The following UGT2B7 variants were observed in gnomAD, a reference collection of about 807,000 sequenced individuals.
The protein encoded by UGT2B7 is UDP glucuronosyltransferase family 2 member B7.
Under a neutral mutation model 51.9 loss-of-function variants are expected in UGT2B7, and 51 were observed. The ratio of observed to expected loss-of-function variants is 0.98; its 90% CI spans 0.78 to 1.24. The LOEUF (loss-of-function observed/expected upper bound fraction) is 1.24, where lower values mean the gene tolerates loss of function less well. UGT2B7 is among the 50% of genes most tolerant of loss of function. The pLI is 0.00. For missense variants in UGT2B7, 727 were observed against 628.4 expected (o/e 1.16, Z -1.68); for synonymous variants, 225 against 211.6 (o/e 1.06, Z -0.55).
At chr4:69,100,961 GA>G (rs1378647677) in intron 2 of UGT2B7, among the ~76,000 whole-genome samples, 7 of 151,780 alleles carry the variant, frequency 4.6e-5, no homozygotes, top group East Asian at 1.9e-4. Context: ...ATCATACAGA[GA>G]AAAAAATTAA....
intron 1 of UGT2B7, among the ~76,000 whole-genome samples, chr4:69,084,366 T>C (rs1298450361): frequency 8.2e-6 from 1 of 122,552 alleles, no homozygotes; most frequent in Admixed American, 7.8e-5. Context: ...GGTTTTACTA[T>C]CAAGGTAATC....
Position 69,098,594 on chromosome 4 carries a change from G to T in UGT2B7, c.776G>T (p.Arg259Leu), listed in dbSNP as rs749983289. 4 of 1,611,504 alleles carry T rather than the reference G, an allele frequency of 2.5e-6. No individual in the cohort carries two copies. Among genetic ancestry groups the T allele is most frequent in the Non-Finnish European group, 3.4e-6 (4 of 1,178,848 alleles). ...GGGAAAGCTGACGTATGGCTTATTCGAAACTCCTGGAATTTTCAGTTTCCA... is the reference window on the plus strand; with the variant it reads ...GGGAAAGCTGACGTATGGCTTATTCTAAACTCCTGGAATTTTCAGTTTCCA... ...TMGKADVWLI[R>L]NSWNFQFPYP... is the part of the protein sequence containing the mutation. The change falls in exon 2 of 6, where the codon CGA becomes CTA. Residue 259 changes from arginine to leucine, a missense_variant. Arg to Leu is a moderately radical substitution (Grantham distance 102). Transcript: ENST00000305231.
chr4:69,108,631 A>G (rs1434623052), intron 5 of UGT2B7, among the ~76,000 whole-genome samples: 1 of 152,012 alleles, frequency 6.6e-6, no homozygotes, highest in African/African-American at 2.4e-5. Flanking sequence ...GGAAGAATAA[A>G]CCTGAAATAA....
At chr4:69,090,562 A>C (rs1261314808) in intron 2 of UGT2B7, among the ~76,000 whole-genome samples, 2 of 152,302 alleles carry the variant, frequency 1.3e-5, no homozygotes, top group Admixed American at 1.3e-4. Context: ...AACAAACAGC[A>C]AAGTCTAAAG....
rs766047432 is a variant in UGT2B7, at chr4:69,108,253, G to C, written c.1241G>C (p.Arg414Thr). 3 of 1,613,608 alleles carry C rather than the reference G, an allele frequency of 1.9e-6. No individual in the cohort carries two copies. The highest frequency in any genetic ancestry group is 1.3e-5 in the African/African-American group (1 of 74,886). The change falls in exon 5 of 6, where the codon AGA becomes ACA. Residue 414 changes from arginine (R) to threonine (T), a missense_variant. Coordinates refer to ENST00000305231, the MANE Select transcript of UGT2B7 (RefSeq NM_001074.4). ...ATGAAGGCCAGGGGAGCAGCTGTTAGAGTGGACTTCAACACAATGTCGAGT... is the reference window on the plus strand; with the variant it reads ...ATGAAGGCCAGGGGAGCAGCTGTTACAGTGGACTTCAACACAATGTCGAGT... ...AHMKARGAAV[R>T]VDFNTMSSTD... is the part of the protein sequence containing the mutation.
At chr4:69,094,375 C>T (rs1369852890), upstream of UGT2B7, among the ~76,000 whole-genome samples, 1 of 30,068 alleles carries the variant, frequency 3.3e-5, no homozygotes, top group Non-Finnish European at 5.1e-5. Context: ...GTCTCGATCT[C>T]CTGACCTCGT....
At chr4:69,081,298 A>G (rs1032697062) in intron 1 of UGT2B7, among the ~76,000 whole-genome samples, 3 of 152,104 alleles carry the variant, frequency 2.0e-5, no homozygotes, top group Admixed American at 2.0e-4. Context: ...CACATTTACT[A>G]TTATCAATGC....
chr4:69,074,377 A>T (rs569334740), intron 1 of UGT2B7, among the ~76,000 whole-genome samples: 17 of 150,978 alleles, frequency 1.1e-4, no homozygotes, highest in African/African-American at 4.2e-4. Context: ...AGCCCTGAAC[A>T]CACCACTGCA....
chr4:69,081,604 T>C (rs555328621), intron 1 of UGT2B7, among the ~76,000 whole-genome samples: 10 of 152,272 alleles, frequency 6.6e-5, no homozygotes, highest in African/African-American at 1.9e-4. Flanking sequence ...CAAAAATTCA[T>C]ACTTGTGGGA....
chr4:69,085,928 C>T (rs76554522), intron 1 of UGT2B7, among the ~76,000 whole-genome samples: 3,720 of 151,718 alleles, frequency 0.025, 114 homozygotes, highest in South Asian at 0.12. Context: ...GTTAACTTAG[C>T]TGAAGCTTTT....
At chr4:69,108,750 A>T (rs1719686582) in intron 5 of UGT2B7, among the ~76,000 whole-genome samples, 1 of 152,086 alleles carries the variant, frequency 6.6e-6, no homozygotes, top group Non-Finnish European at 1.5e-5. Flanking sequence ...CTTGAAAATG[A>T]GATTTAATTT....
chr4:69,108,039 G>A (rs2109893721), intron 4 of UGT2B7, 64 bp from the exon 5 acceptor site: 1 of 1,563,830 alleles, frequency 6.4e-7, no homozygotes, highest in Non-Finnish European at 8.8e-7. Flanking sequence ...CACTTTCAGA[G>A]CCTTTCATTG....
chr4:69,075,025 T>C (rs917602455), intron 1 of UGT2B7, among the ~76,000 whole-genome samples: 1 of 152,160 alleles, frequency 6.6e-6, no homozygotes, highest in African/African-American at 2.4e-5. Context: ...AATCTTTGAG[T>C]AAATATTTTA....
At chr4:69,054,322 GC>G (rs202002193) in intron 1 of UGT2B7, among the ~76,000 whole-genome samples, 1,731 of 152,180 alleles carry the variant, frequency 0.011, 38 homozygotes, top group African/African-American at 0.039. Context: ...CCAAAGGCTG[GC>G]CCCCATGTCC....
intron 1 of UGT2B7, among the ~76,000 whole-genome samples, chr4:69,078,784 T>C (rs1395715416): frequency 2.6e-5 from 4 of 152,094 alleles, no homozygotes. Flanking sequence ...ATGTGATCCA[T>C]CTGGCTATGG....
chr4:69,092,951 C>A (rs1452383797), upstream of UGT2B7, among the ~76,000 whole-genome samples: 1 of 119,374 alleles, frequency 8.4e-6, no homozygotes, highest in Non-Finnish European at 1.7e-5. Context: ...AAAAACAATA[C>A]CCCCACCCCA....
intron 1 of UGT2B7, among the ~76,000 whole-genome samples, chr4:69,089,164 T>A (rs1280283687): frequency 6.6e-6 from 1 of 152,186 alleles, no homozygotes; most frequent in Non-Finnish European, 1.5e-5. Flanking sequence ...AGGAATACTT[T>A]TATGAGTTTG....
intron 1 of UGT2B7, among the ~76,000 whole-genome samples, chr4:69,069,278 A>G (rs1337058533): frequency 6.6e-6 from 1 of 152,014 alleles, no homozygotes; most frequent in South Asian, 2.1e-4. Context: ...TTTGTCTGCT[A>G]TCTCTAGACT....
intron 1 of UGT2B7, among the ~76,000 whole-genome samples, chr4:69,062,309 G>A (rs1718364675): frequency 6.6e-6 from 1 of 152,120 alleles, no homozygotes; most frequent in Non-Finnish European, 1.5e-5. Flanking sequence ...TCAGATTAAA[G>A]GTAATCTCCG....
Sources: gnomAD v4.1 joint callset for allele counts (sites outside exome capture counted in the v4.1 genomes callset) on GRCh38, gnomAD v4.1.1 for gene constraint, MANE v1.5 for transcripts, NCBI Gene and HGNC (gene_info 2026-07-23, HGNC 2026-07-21) for gene names.